Variants in XRCC4 observed in about 807,000 individuals in gnomAD.
XRCC4 encodes DNA repair protein XRCC4.
A neutral mutation model predicts 39.1 loss-of-function variants in XRCC4; 28 were observed. The ratio of observed to expected loss-of-function variants is 0.72; its 90% CI spans 0.53 to 0.98. XRCC4 has a LOEUF of 0.98. Ranked by LOEUF, XRCC4 falls within the 50% of genes least tolerant of loss-of-function variation. The pLI, the probability that XRCC4 is intolerant of heterozygous loss-of-function variation, is 0.00. For synonymous variants in XRCC4, 123 were observed against 126.4 expected (o/e 0.97, Z 0.18); for missense variants, 350 against 376.4 (o/e 0.93, Z 0.58).
rs1214114282 is a variant in XRCC4 at position 83,334,802 on chromosome 5, T to C, written c.894-18329T>C. 2.0e-5 allele frequency among the ~76,000 whole-genome samples: 3 copies of C among 152,158 alleles called. No homozygotes were observed. In the East Asian group the frequency reaches 5.8e-4, roughly 29 times the overall value. ...TTTGCAATGCATATGTAGTGATTTA[T>C]ATACCAAAAAATAAATAATTTTTGT... On this transcript the variant is annotated intron_variant, in intron 7 of 7. Coordinates refer to ENST00000396027, the MANE Select transcript of XRCC4 (RefSeq NM_003401.5).
At chr5:83,126,191 G>A (rs2112461127) in intron 3 of XRCC4, among the ~76,000 whole-genome samples, 1 of 151,670 alleles carries the variant, frequency 6.6e-6, no homozygotes, top group East Asian at 2.0e-4. Context: ...TCTTGCATCA[G>A]AATTTTGTAG....
intron 3 of XRCC4, among the ~76,000 whole-genome samples, chr5:83,158,950 T>C (rs1435741521): frequency 1.3e-5 from 2 of 152,314 alleles, no homozygotes; most frequent in African/African-American, 2.4e-5. Flanking sequence ...TGAACTGTGC[T>C]ACTATGAGCT....
chr5:83,313,297 G>A (rs1755769136), intron 7 of XRCC4, among the ~76,000 whole-genome samples: 1 of 151,828 alleles, frequency 6.6e-6, no homozygotes, highest in African/African-American at 2.4e-5. Flanking sequence ...TACACAGAAG[G>A]GATCATGATA....
intron 1 of XRCC4, among the ~76,000 whole-genome samples, chr5:83,078,533 TGAG>T (rs1744786372): frequency 2.0e-5 from 3 of 152,234 alleles, no homozygotes; most frequent in Admixed American, 2.0e-4. Context: ...ATTCGGCCTA[TGAG>T]ACCCTTTTGT....
chr5:83,167,751 CAAATGCTAAACTATTCAG>C (rs763250679), intron 3 of XRCC4, among the ~76,000 whole-genome samples: 8 of 152,136 alleles, frequency 5.3e-5, no homozygotes, highest in Admixed American at 3.9e-4. Context: ...TCTTGCAAAG[CAAATGCTAAACTATTCAG>C]AAGCTAAGGC....
chr5:83,185,644 T>C (rs1001161753), intron 3 of XRCC4, among the ~76,000 whole-genome samples: 1 of 151,934 alleles, frequency 6.6e-6, no homozygotes, highest in Non-Finnish European at 1.5e-5. Flanking sequence ...AAACATAGTA[T>C]AAAGCTATAA....
chr5:83,323,377 A>G (rs749526320), intron 7 of XRCC4, among the ~76,000 whole-genome samples: 1 of 152,132 alleles, frequency 6.6e-6, no homozygotes, highest in Non-Finnish European at 1.5e-5. Flanking sequence ...AATGAATATT[A>G]CAGCATTACA....
At chr5:83,078,878 T>C (rs1481789571) in intron 1 of XRCC4, among the ~76,000 whole-genome samples, 1 of 152,216 alleles carries the variant, frequency 6.6e-6, no homozygotes, top group Non-Finnish European at 1.5e-5. Flanking sequence ...TAATGTTCTG[T>C]CTTGTAATTC....
chr5:83,150,622 T>C (rs1045884463), intron 3 of XRCC4, among the ~76,000 whole-genome samples: 2 of 152,274 alleles, frequency 1.3e-5, no homozygotes, highest in Non-Finnish European at 1.5e-5. Context: ...AACATAAATA[T>C]ACACACATGT....
chr5:83,104,788 G>GT (rs28383137), intron 1 of XRCC4, 122 bp from the exon 2 acceptor site: 3 of 796,864 alleles, frequency 3.8e-6, no homozygotes, highest in Non-Finnish European at 2.0e-6. Context: ...CTATTATACA[G>GT]TTTTTTTGTT....
chr5:83,179,316 T>A (rs1750101840), intron 3 of XRCC4, among the ~76,000 whole-genome samples: 1 of 152,174 alleles, frequency 6.6e-6, no homozygotes, highest in African/African-American at 2.4e-5. Flanking sequence ...AAGAAATTAT[T>A]CCTGCAATGT....
intron 1 of XRCC4, among the ~76,000 whole-genome samples, chr5:83,084,506 A>G (rs1174951948): frequency 1.3e-5 from 2 of 152,210 alleles, no homozygotes; most frequent in African/African-American, 2.4e-5. Context: ...GAAGAAATAC[A>G]TGCCAAAATT....
In XRCC4 at chr5:83,344,790, A is replaced by G. The variant is rs575136003; in HGVS notation, c.894-8341A>G. On this transcript the variant is annotated intron_variant, in intron 7 of 7. Transcript: ENST00000396027. ...TACCTATGAGTAGAATTCCTAGGTT[A>G]TAGGTACATATACCTTCATATACCT... 3.3e-5 allele frequency among the ~76,000 whole-genome samples: 5 copies of G among 152,328 alleles called. No individual in the cohort carries two copies. The East Asian group carries it at 5.8e-4, about 18-fold the overall frequency.
At position 83,195,983 on chromosome 5, in the gene XRCC4, A is replaced by G. The variant is rs28360138; in HGVS notation, c.482+47A>G. 9.2e-3 allele frequency: 13,932 copies of G among 1,507,828 alleles called. 86 individuals are homozygous for G. Among genetic ancestry groups the G allele is most frequent in the Non-Finnish European group, 0.011 (12,337 of 1,124,328 alleles). 93.4% of individuals were successfully genotyped at this position (1,507,828 alleles called of 1,614,324 possible). A position where few individuals can be genotyped will look rare whatever the true frequency, so the allele number is the denominator to read the frequency against. On this transcript the variant is annotated intron_variant, in intron 4 of 7. Transcript: ENST00000396027. ...GGTATAAAAATACGGAGCCCTCTTT[A>G]TGTTGTTATAGCTTTAAGTTAATGA...
intron 3 of XRCC4, among the ~76,000 whole-genome samples, chr5:83,177,438 C>CTTTGTTTT (rs1554061575): frequency 2.0e-5 from 2 of 98,358 alleles, no homozygotes. Context: ...GCTTTAATAC[C>CTTTGTTTT]TTTTTTTTTT....
intron 7 of XRCC4, among the ~76,000 whole-genome samples, chr5:83,345,307 C>A (rs112432338): frequency 2.0e-5 from 3 of 152,054 alleles, no homozygotes; most frequent in Non-Finnish European, 4.4e-5. Context: ...TAAAGACATT[C>A]CCCTTTATTT....
intron 3 of XRCC4, among the ~76,000 whole-genome samples, chr5:83,145,191 G>A (rs947239304): frequency 3.3e-5 from 5 of 152,120 alleles, no homozygotes; most frequent in East Asian, 1.9e-4. Flanking sequence ...CACCACGCTC[G>A]GCTCATAAAT....
chr5:83,242,676 T>C (rs1752958465), intron 6 of XRCC4, among the ~76,000 whole-genome samples: 1 of 152,162 alleles, frequency 6.6e-6, no homozygotes, highest in African/African-American at 2.4e-5. Context: ...TTCTAATGTA[T>C]ATATAATCAA....
intron 3 of XRCC4, among the ~76,000 whole-genome samples, chr5:83,115,101 C>G (rs59721124): frequency 0.015 from 2,288 of 152,226 alleles, 53 homozygotes; most frequent in African/African-American, 0.051. Flanking sequence ...TCGATTACCT[C>G]CCACCATGTT....
Sources: allele counts gnomAD v4.1 joint callset (sites outside exome capture counted in the v4.1 genomes callset), GRCh38; gene constraint gnomAD v4.1.1; transcripts MANE v1.5; gene names NCBI Gene and HGNC (gene_info 2026-07-23, HGNC 2026-07-21).